Variants in ITGAM observed in about 807,000 individuals in gnomAD.
ITGAM encodes integrin subunit alpha M, also known as integrin alpha-M.
A neutral mutation model predicts 137.5 loss-of-function variants in ITGAM; 79 were observed. That is an observed-to-expected ratio of 0.57 (90% CI 0.48 to 0.69). The LOEUF (loss-of-function observed/expected upper bound fraction) is 0.69. Ranked by LOEUF, ITGAM falls within the 30% of genes least tolerant of loss-of-function variation. The pLI, the probability that ITGAM is intolerant of heterozygous loss-of-function variation, is 0.00. For synonymous variants in ITGAM, 583 were observed against 592.3 expected (o/e 0.98, Z 0.23); for missense variants, 1,343 against 1,483.5 (o/e 0.91, Z 1.56).
intron 12 of ITGAM, among the ~76,000 whole-genome samples, chr16:31,294,018 T>G (rs936493507): frequency 3.9e-5 from 6 of 152,204 alleles, no homozygotes; most frequent in Admixed American, 1.3e-4. Flanking sequence ...AGGATTGCCT[T>G]CCTGATTTGG....
intron 12 of ITGAM, among the ~76,000 whole-genome samples, chr16:31,284,542 C>T (rs1368219842): frequency 1.3e-5 from 2 of 152,188 alleles, no homozygotes; most frequent in Non-Finnish European, 2.9e-5. Context: ...GGGATATAAT[C>T]TCCTGGTGTG....
At chr16:31,280,024 T>G (rs1029610552) in intron 12 of ITGAM, among the ~76,000 whole-genome samples, 2 of 152,150 alleles carry the variant, frequency 1.3e-5, no homozygotes, top group African/African-American at 4.8e-5. Context: ...TTTTTTCAGG[T>G]TTGTCAAAGA....
chr16:31,309,837 G>A (rs1179200364), intron 14 of ITGAM, among the ~76,000 whole-genome samples: 2 of 152,072 alleles, frequency 1.3e-5, no homozygotes, highest in African/African-American at 4.8e-5. Flanking sequence ...AGCTCTTTTA[G>A]GGCAGGCCTG....
intron 7 of ITGAM, 68 bp from the exon 8 acceptor site, chr16:31,273,297 T>TAAAAA: frequency 6.6e-6 from 8 of 1,213,132 alleles, no homozygotes; most frequent in Non-Finnish European, 7.9e-6. Context: ...GTCTATTTCT[T>TAAAAA]AAAAAAAAAA....
intron 16 of ITGAM, among the ~76,000 whole-genome samples, chr16:31,323,501 T>TGA (rs1473067899): frequency 2.0e-5 from 3 of 149,476 alleles, no homozygotes; most frequent in Non-Finnish European, 4.4e-5. Context: ...AGGATAAATA[T>TGA]GAAGGACATT....
intron 14 of ITGAM, among the ~76,000 whole-genome samples, chr16:31,301,583 T>C (rs1313553661): frequency 6.6e-6 from 1 of 152,212 alleles, no homozygotes; most frequent in East Asian, 1.9e-4. Context: ...CACATACTTA[T>C]AAAAGCAAGG....
At chr16:31,298,012 A>G (rs2080155451) in intron 14 of ITGAM, 58 bp downstream of exon 14, 1 of 1,392,664 alleles carries the variant, frequency 7.2e-7, no homozygotes, top group Non-Finnish European at 1.0e-6. Context: ...TCTTTCTCCT[A>G]ATTCAGTGTG....
chr16:31,318,436 C>T (rs2080415037), intron 14 of ITGAM, among the ~76,000 whole-genome samples: 1 of 151,530 alleles, frequency 6.6e-6, no homozygotes, highest in African/African-American at 2.4e-5. Flanking sequence ...CTCCACCTCC[C>T]AGGTTCAAGT....
chr16:31,283,867 C>T (rs2144335473), intron 12 of ITGAM, among the ~76,000 whole-genome samples: 1 of 152,202 alleles, frequency 6.6e-6, no homozygotes, highest in South Asian at 2.1e-4. Context: ...TTTTATCTAC[C>T]TTTGGTCTTT....
chr16:31,297,705 G>A (rs750757867), intron 13 of ITGAM, 40 bp from the exon 14 acceptor site: 3 of 1,599,794 alleles, frequency 1.9e-6, no homozygotes, highest in Admixed American at 1.8e-5. Context: ...GGGTGGAGGG[G>A]TCGCCTGGGT....
At chr16:31,331,030 A>G (rs1289996097) in intron 28 of ITGAM, 135 bp from the exon 29 acceptor site, 1 of 598,724 alleles carries the variant, frequency 1.7e-6, no homozygotes, top group East Asian at 2.9e-5. Context: ...GAGGTGGGGG[A>G]GGAGGACTGA....
chr16:31,291,951 C>G (rs747383921), intron 12 of ITGAM, among the ~76,000 whole-genome samples: 3 of 151,918 alleles, frequency 2.0e-5, no homozygotes, highest in Non-Finnish European at 4.4e-5. Flanking sequence ...TGGAATGTTC[C>G]CAGCAAAAGA....
intron 14 of ITGAM, among the ~76,000 whole-genome samples, chr16:31,318,706 C>A (rs188750441): frequency 6.6e-6 from 1 of 152,116 alleles, no homozygotes; most frequent in African/African-American, 2.4e-5. Context: ...TTTCTATTCT[C>A]TATTTGATTT....
chr16:31,283,047 C>T (rs561410126), intron 12 of ITGAM, among the ~76,000 whole-genome samples: 1 of 152,242 alleles, frequency 6.6e-6, no homozygotes, highest in African/African-American at 2.4e-5. Flanking sequence ...AATATTGGCC[C>T]CCACTCTCTT....
chr16:31,329,097 C>A, intron 23 of ITGAM, 131 bp from the exon 24 acceptor site: 1 of 653,016 alleles, frequency 1.5e-6, no homozygotes, highest in Non-Finnish European at 2.8e-6. Flanking sequence ...GCACCCCACC[C>A]CATCTCCACC....
chr16:31,283,287 T>C (rs982224556), intron 12 of ITGAM, among the ~76,000 whole-genome samples: 3 of 152,218 alleles, frequency 2.0e-5, no homozygotes, highest in African/African-American at 7.2e-5. Context: ...TTGGGGAAGT[T>C]CTCCTGGATA....
rs1201698972 is a variant in ITGAM at position 31,332,377 on chromosome 16, G to C, written c.*670G>C. ...GATGCCCAATAAAGATGCCCACTGA[G>C]GAATGATGAAGCTTCCTTTCTGGAT... On this transcript the variant is annotated 3_prime_UTR_variant, in exon 30 of 30. Coordinates refer to ENST00000544665, the MANE Select transcript of ITGAM (RefSeq NM_000632.4). 1 of 152,228 alleles carries C rather than the reference G, an allele frequency of 6.6e-6. No individual in the cohort carries two copies. The highest frequency in any genetic ancestry group is 1.5e-5 in the Non-Finnish European group (1 of 68,034). The allele number at this position is 152,228 out of a possible 1,614,324, so 9.4% of individuals were successfully genotyped here.
chr16:31,299,558 C>T (rs2080173720), intron 14 of ITGAM, among the ~76,000 whole-genome samples: 1 of 152,246 alleles, frequency 6.6e-6, no homozygotes, highest in South Asian at 2.1e-4. Flanking sequence ...ATCCACCTGC[C>T]TTGGCCTCCC....
chr16:31,322,915 C>A (rs11150610), intron 16 of ITGAM, among the ~76,000 whole-genome samples: 49,910 of 151,730 alleles, frequency 0.33, 9,699 homozygotes, highest in East Asian at 0.69. Context: ...TTGAAAGTAT[C>A]TGGATAAATA....
Sources: allele counts gnomAD v4.1 joint callset (sites outside exome capture counted in the v4.1 genomes callset), GRCh38; gene constraint gnomAD v4.1.1; transcripts MANE v1.5; gene names NCBI Gene and HGNC (gene_info 2026-07-23, HGNC 2026-07-21).